Variants in CNTN5 observed in about 807,000 individuals in gnomAD.
CNTN5 encodes contactin 5, also known as contactin-5.
CNTN5 carries 77 observed loss-of-function variants against 129.1 expected under a neutral mutation model. The ratio of observed to expected loss-of-function variants is 0.60; its 90% CI spans 0.50 to 0.72. CNTN5 has a LOEUF of 0.72. Ranked by LOEUF, CNTN5 falls within the 30% of genes least tolerant of loss-of-function variation. The pLI is 0.00. For missense variants in CNTN5, 1,478 were observed against 1,328.8 expected (o/e 1.11, Z -1.75); for synonymous variants, 509 against 465.6 (o/e 1.09, Z -1.20).
intron 2 of CNTN5, among the ~76,000 whole-genome samples, chr11:99,452,194 A>G (rs1056500735): frequency 6.6e-6 from 1 of 152,066 alleles, no homozygotes; most frequent in Non-Finnish European, 1.5e-5. Flanking sequence ...AAATAAATGT[A>G]TACTGTAAAA....
At chr11:99,365,887 G>A (rs573598118) in intron 2 of CNTN5, among the ~76,000 whole-genome samples, 10 of 152,166 alleles carry the variant, frequency 6.6e-5, no homozygotes, top group Non-Finnish European at 1.0e-4. Context: ...ATCAGGGAGT[G>A]CAAGCAAGTT....
At chr11:99,939,373 C>T (rs539069912) in intron 7 of CNTN5, among the ~76,000 whole-genome samples, 26 of 151,866 alleles carry the variant, frequency 1.7e-4, no homozygotes, top group South Asian at 1.2e-3. Flanking sequence ...ATTTTAAAAA[C>T]GTGAAAAAAT....
intron 1 of CNTN5, among the ~76,000 whole-genome samples, chr11:99,207,591 G>A (rs77071262): frequency 0.017 from 2,550 of 152,158 alleles, 38 homozygotes; most frequent in African/African-American, 0.035. Context: ...TTAACTTTAT[G>A]TTTTATAGTA....
intron 1 of CNTN5, among the ~76,000 whole-genome samples, chr11:99,092,289 T>C (rs1234050166): frequency 1.3e-5 from 2 of 152,128 alleles, no homozygotes; most frequent in Non-Finnish European, 2.9e-5. Flanking sequence ...CTAATATAAG[T>C]ATACCTCATT....
intron 3 of CNTN5, among the ~76,000 whole-genome samples, chr11:99,700,486 G>A (rs1663161180): frequency 1.3e-5 from 2 of 151,380 alleles, no homozygotes; most frequent in Non-Finnish European, 3.0e-5. Flanking sequence ...TACATTACAT[G>A]ATTTTGTTCA....
chr11:99,515,109 G>A (rs1225898339), intron 2 of CNTN5, among the ~76,000 whole-genome samples: 2 of 151,942 alleles, frequency 1.3e-5, no homozygotes, highest in Admixed American at 1.3e-4. Flanking sequence ...TATTTAAAAA[G>A]CTCTACTTAA....
intron 8 of CNTN5, among the ~76,000 whole-genome samples, chr11:99,982,192 A>C (rs1938390049): frequency 6.6e-6 from 1 of 152,244 alleles, no homozygotes; most frequent in African/African-American, 2.4e-5. Context: ...AGATAGTCTG[A>C]ACAGAGCCGG....
chr11:100,129,959 T>A (rs1050699553), intron 13 of CNTN5, among the ~76,000 whole-genome samples: 1 of 152,144 alleles, frequency 6.6e-6, no homozygotes, highest in African/African-American at 2.4e-5. Flanking sequence ...TTTTTTAACC[T>A]GATTAGTACA....
chr11:99,071,950 T>TA (rs5793965), intron 1 of CNTN5, among the ~76,000 whole-genome samples: 21 of 151,208 alleles, frequency 1.4e-4, no homozygotes, highest in African/African-American at 3.6e-4. Flanking sequence ...GTGAATACAA[T>TA]AAAAAAAAAG....
At chr11:99,568,489 A>G (rs578146041) in intron 3 of CNTN5, among the ~76,000 whole-genome samples, 1 of 152,192 alleles carries the variant, frequency 6.6e-6, no homozygotes, top group Non-Finnish European at 1.5e-5. Context: ...AACTGCCTCT[A>G]TGCAGTCATT....
intron 6 of CNTN5, among the ~76,000 whole-genome samples, chr11:99,885,791 T>C (rs1464563964): frequency 6.6e-6 from 1 of 152,158 alleles, no homozygotes; most frequent in East Asian, 1.9e-4. Context: ...ACTCCAAGTG[T>C]AATAGAGAAT....
intron 1 of CNTN5, among the ~76,000 whole-genome samples, chr11:99,135,017 AT>A: frequency 1.3e-5 from 2 of 152,312 alleles, no homozygotes; most frequent in East Asian, 3.9e-4. Flanking sequence ...TATGATGAAC[AT>A]TTATTCCACT....
At chr11:99,213,493 T>C (rs1432379844) in intron 1 of CNTN5, among the ~76,000 whole-genome samples, 3 of 149,150 alleles carry the variant, frequency 2.0e-5, no homozygotes, top group African/African-American at 7.4e-5. Flanking sequence ...CATATATATA[T>C]ATATACACAT....
intron 1 of CNTN5, among the ~76,000 whole-genome samples, chr11:99,238,217 A>T (rs1297354332): frequency 1.3e-5 from 2 of 152,156 alleles, no homozygotes; most frequent in Non-Finnish European, 2.9e-5. Flanking sequence ...AATTTGTTAA[A>T]TTTTTTCCAG....
chr11:100,285,988 G>A (rs1950777055), intron 18 of CNTN5, among the ~76,000 whole-genome samples: 1 of 152,236 alleles, frequency 6.6e-6, no homozygotes, highest in Admixed American at 6.5e-5. Context: ...TCAAAGAAAG[G>A]GGTGACAGAC....
At chr11:100,317,970 G>A (rs10466628) in intron 21 of CNTN5, among the ~76,000 whole-genome samples, 18,759 of 151,900 alleles carry the variant, frequency 0.12, 1,710 homozygotes, top group East Asian at 0.36. Flanking sequence ...GGCTGGGCGC[G>A]ATGGCTGAAG....
chr11:100,052,270 G>A (rs12281896), intron 9 of CNTN5, among the ~76,000 whole-genome samples: 16,513 of 151,692 alleles, frequency 0.11, 1,066 homozygotes, highest in Middle Eastern at 0.26. Context: ...ATTCAGCATC[G>A]TAATGGTAAG....
intron 6 of CNTN5, among the ~76,000 whole-genome samples, chr11:99,847,725 G>A (rs1947745787): frequency 6.6e-6 from 1 of 152,108 alleles, no homozygotes; most frequent in South Asian, 2.1e-4. Flanking sequence ...GCAAATATGG[G>A]CAGTAGGGAG....
intron 3 of CNTN5, among the ~76,000 whole-genome samples, chr11:99,744,806 C>A (rs368830892): frequency 6.6e-6 from 1 of 151,436 alleles, no homozygotes; most frequent in South Asian, 2.1e-4. Flanking sequence ...AGAAAGACTG[C>A]GACTCTTTAA....
Sources: gnomAD v4.1 joint callset for allele counts (sites outside exome capture counted in the v4.1 genomes callset) on GRCh38, gnomAD v4.1.1 for gene constraint, MANE v1.5 for transcripts, NCBI Gene and HGNC (gene_info 2026-07-23, HGNC 2026-07-21) for gene names.